POPDC3: variants seen among roughly 807,000 people sequenced by gnomAD.
POPDC3 encodes popeye domain-containing protein 3.
In POPDC3, 20 loss-of-function variants were observed where a neutral mutation model predicts 28.2. The observed-to-expected ratio is 0.71, with a 90% confidence interval of 0.50 to 1.03. POPDC3 has a LOEUF of 1.03. Ranked by LOEUF, POPDC3 falls within the 50% of genes least tolerant of loss-of-function variation. The pLI is 0.00. For missense variants in POPDC3, 316 were observed against 345.9 expected, an observed-to-expected ratio of 0.91 and a Z score of 0.69; for synonymous variants, 118 against 124.1, an observed-to-expected ratio of 0.95 and a Z score of 0.33.
intron 2 of POPDC3, among the ~76,000 whole-genome samples, chr6:105,160,452 G>GACCA (rs68181589): frequency 4.8e-4 from 3 of 6,214 alleles, no homozygotes; most frequent in Non-Finnish European, 6.0e-3. Flanking sequence ...GACCTCAAGT[G>GACCA]ACCCACTAGC....
intron 1 of POPDC3, among the ~76,000 whole-genome samples, chr6:105,179,383 T>C (rs1774739842): frequency 6.6e-6 from 1 of 152,176 alleles, no homozygotes; most frequent in Admixed American, 6.5e-5. Context: ...CTGGCATGAC[T>C]TCCCCAGGAC....
chr6:105,163,095 T>C (rs960898858), intron 1 of POPDC3, among the ~76,000 whole-genome samples: 10 of 152,158 alleles, frequency 6.6e-5, no homozygotes, highest in African/African-American at 2.4e-4. Context: ...ATAAGAAACA[T>C]AATTAGAAGT....
At chr6:105,163,899 A>G (rs1774403678) in intron 1 of POPDC3, 1 of 152,182 alleles carries the variant, frequency 6.6e-6, no homozygotes, top group African/African-American at 2.4e-5. Context: ...CCATCAATCA[A>G]TCTACGAGAT....
At chr6:105,175,028 G>A (rs1014344128) in intron 1 of POPDC3, among the ~76,000 whole-genome samples, 12 of 151,920 alleles carry the variant, frequency 7.9e-5, no homozygotes, top group African/African-American at 2.7e-4. Context: ...TGAGCCGGGC[G>A]TGGTGGCACA....
intron 1 of POPDC3, among the ~76,000 whole-genome samples, chr6:105,173,899 T>C (rs1216322835): frequency 2.0e-5 from 3 of 151,226 alleles, no homozygotes; most frequent in South Asian, 4.2e-4. Flanking sequence ...ATTATTCCAA[T>C]AGAAAGAACA....
In POPDC3 at chr6:105,159,740, G is replaced by A; in HGVS notation, c.565C>T (p.Leu189=). The change falls in exon 3 of 4, where the codon CTG becomes TTG. Residue 189 remains leucine (L), a synonymous_variant. Coordinates refer to ENST00000254765, the MANE Select transcript of POPDC3 (RefSeq NM_022361.5). ...AAAATGCCTTCCTCTGTGGGTCTCA[G>A]TGAATCCCACTCAGGAGAATCCAGG... ...QFLDSPEWDS[L]RPTEEGIFQV... 1 of 1,612,854 alleles carries A rather than the reference G, an allele frequency of 6.2e-7. No individual in the cohort carries two copies. The highest frequency in any genetic ancestry group is 1.1e-5 in the South Asian group (1 of 91,026).
In POPDC3 at chr6:105,174,227, T is replaced by C. The variant is rs1348098507; in HGVS notation, c.-252+5606A>G. The stretch of plus-strand genomic sequence containing the variant: ...TAATTTTTTGTATTTTTAGTAGAGA[T>C]GGGGTTTTACAATGTTGGCCAGGCT... On this transcript the variant is annotated intron_variant, in intron 1 of 3. Coordinates refer to ENST00000254765, the MANE Select transcript of POPDC3 (RefSeq NM_022361.5). Among the ~76,000 whole-genome samples, 3 of 152,146 alleles carry C rather than the reference T, an allele frequency of 2.0e-5. No homozygotes were observed. The East Asian group carries it at 5.8e-4, about 29-fold the overall frequency.
At chr6:105,158,874 C>T in intron 3 of POPDC3, 123 bp from the exon 4 acceptor site, 1 of 807,104 alleles carries the variant, frequency 1.2e-6, no homozygotes, top group Non-Finnish European at 2.0e-6. Flanking sequence ...AAAAAGCCCA[C>T]TGACCTACAA....
chr6:105,161,708 CCCAGACAG>C lies in POPDC3; in HGVS notation c.194_201del (p.Ala65GlyfsTer9). The C allele has an allele frequency of 1.2e-6, 2 of 1,614,104 alleles. No individual in the cohort carries two copies. Among genetic ancestry groups the C allele is most frequent in the Non-Finnish European group, 1.7e-6 (2 of 1,180,028 alleles). Reference sequence around the variant, plus strand: ...TCAGCTGCACAGACATCTACCCAAGCCCAGACAGCAGAACAGAGAAAACCCAACCCCAG... The same window carrying C: ...TCAGCTGCACAGACATCTACCCAAGCCAGAACAGAGAAAACCCAACCCCAG... On this transcript the variant is annotated frameshift_variant, in exon 2 of 4. Coordinates refer to ENST00000254765, the MANE Select transcript of POPDC3 (RefSeq NM_022361.5). LOFTEE classifies it high-confidence loss of function.
chr6:105,164,519 C>T (rs959267588), intron 1 of POPDC3, among the ~76,000 whole-genome samples: 15 of 152,342 alleles, frequency 9.8e-5, no homozygotes, highest in African/African-American at 3.4e-4. Flanking sequence ...CCCTTCTTCA[C>T]TTGTGTTTTT....
At chr6:105,160,040 T>C in intron 2 of POPDC3, 1 of 341,554 alleles carries the variant, frequency 2.9e-6, no homozygotes, top group Non-Finnish European at 5.4e-6. Flanking sequence ...TCTGGAATAT[T>C]GAGTGAAATT....
intron 1 of POPDC3, among the ~76,000 whole-genome samples, chr6:105,165,367 T>C (rs1427081066): frequency 6.6e-6 from 1 of 152,258 alleles, no homozygotes; most frequent in Non-Finnish European, 1.5e-5. Flanking sequence ...AATAATTTGC[T>C]GTATTATTCA....
In POPDC3 at chr6:105,159,723, T is replaced by C; in HGVS notation, c.582A>G (p.Glu194=). 1 of 1,607,892 alleles carries C rather than the reference T, an allele frequency of 6.2e-7. No individual in the cohort carries two copies. ...TGGTATCCCTTACCTGAAAAATGCC[T>C]TCCTCTGTGGGTCTCAGTGAATCCC... ...PEWDSLRPTE[E]GIFQVTLTAE... is the part of the protein sequence containing the mutation. Residue 194 remains glutamate, a synonymous_variant, in exon 3 of 4, where the codon GAA becomes GAG. Coordinates refer to ENST00000254765, the MANE Select transcript of POPDC3 (RefSeq NM_022361.5).
chr6:105,170,766 T>C (rs1032595964), intron 1 of POPDC3, among the ~76,000 whole-genome samples: 4 of 152,216 alleles, frequency 2.6e-5, no homozygotes, highest in African/African-American at 7.2e-5. Flanking sequence ...GTTAGTGATA[T>C]AACACTTAAA....
chr6:105,172,812 C>A (rs529225208), intron 1 of POPDC3, among the ~76,000 whole-genome samples: 1 of 145,864 alleles, frequency 6.9e-6, no homozygotes, highest in African/African-American at 2.6e-5. Flanking sequence ...CGCATGTTCT[C>A]ACTCATAGGT....
chr6:105,177,259 A>T (rs1003959374), intron 1 of POPDC3, among the ~76,000 whole-genome samples: 4 of 152,184 alleles, frequency 2.6e-5, no homozygotes, highest in Admixed American at 6.5e-5. Flanking sequence ...TTCACTAATT[A>T]AAAAATACAA....
chr6:105,162,456 G>C (rs1330164434), intron 1 of POPDC3, among the ~76,000 whole-genome samples: 1 of 152,220 alleles, frequency 6.6e-6, no homozygotes, highest in Non-Finnish European at 1.5e-5. Context: ...TGCGGGCCGG[G>C]CGAGGTGGCG....
intron 1 of POPDC3, among the ~76,000 whole-genome samples, chr6:105,162,695 T>C (rs1774365810): frequency 6.6e-6 from 1 of 152,218 alleles, no homozygotes; most frequent in Admixed American, 6.6e-5. Flanking sequence ...ATCTTACCAC[T>C]GCACTTCAGC....
intron 1 of POPDC3, among the ~76,000 whole-genome samples, chr6:105,172,742 T>C (rs1406290783): frequency 6.0e-5 from 9 of 150,094 alleles, no homozygotes; most frequent in African/African-American, 2.2e-4. Flanking sequence ...TGTAGGGACA[T>C]GGATGAAGCT....
Sources: allele counts gnomAD v4.1 joint callset (sites outside exome capture counted in the v4.1 genomes callset), GRCh38; gene constraint gnomAD v4.1.1; transcripts MANE v1.5; gene names NCBI Gene and HGNC (gene_info 2026-07-23, HGNC 2026-07-21).